URI1: variants seen among roughly 807,000 people sequenced by gnomAD.
The protein encoded by URI1 is unconventional prefoldin RPB5 interactor 1.
Under a neutral mutation model 60.2 loss-of-function variants are expected in URI1, and 39 were observed. The observed-to-expected ratio is 0.65, with a 90% CI of 0.50 to 0.85. The LOEUF (loss-of-function observed/expected upper bound fraction) is 0.85. Ranked by LOEUF, URI1 falls within the 40% of genes least tolerant of loss-of-function variation. URI1 has a pLI of 0.00. For missense variants in URI1, 691 were observed against 665.9 expected (o/e 1.04, Z -0.42); for synonymous variants, 251 against 236.8 (o/e 1.06, Z -0.55).
At chr19:29,974,577 T>C (rs948819010) in intron 2 of URI1, among the ~76,000 whole-genome samples, 4 of 152,202 alleles carry the variant, frequency 2.6e-5, no homozygotes, top group African/African-American at 7.2e-5. Flanking sequence ...CATCTACTCC[T>C]ACCTCCAATT....
intron 1 of URI1, chr19:29,956,983 C>A (rs2055256791): frequency 7.3e-6 from 6 of 825,710 alleles, no homozygotes; most frequent in South Asian, 7.1e-5. Flanking sequence ...TGAGAATGGT[C>A]TTCATTCTCA....
chr19:29,975,893 G>A (rs1000384950), intron 2 of URI1, among the ~76,000 whole-genome samples: 5 of 152,258 alleles, frequency 3.3e-5, no homozygotes, highest in Admixed American at 3.3e-4. Flanking sequence ...AAGTGTTTGT[G>A]TATGTATGTG....
At chr19:29,962,732 A>G (rs1409498949) in intron 1 of URI1, among the ~76,000 whole-genome samples, 4 of 151,814 alleles carry the variant, frequency 2.6e-5, no homozygotes, top group African/African-American at 4.8e-5. Flanking sequence ...ATCTAGTTTA[A>G]TAATTTTTTT....
intron 2 of URI1, among the ~76,000 whole-genome samples, chr19:29,972,335 G>C (rs1282719775): frequency 6.6e-6 from 1 of 152,062 alleles, no homozygotes; most frequent in East Asian, 1.9e-4. Context: ...TTTCCATAAT[G>C]GACCATTCGC....
intron 4 of URI1, among the ~76,000 whole-genome samples, chr19:29,993,648 T>C (rs905503866): frequency 1.3e-4 from 20 of 152,150 alleles, no homozygotes; most frequent in Admixed American, 2.6e-4. Flanking sequence ...CATCAGGTCA[T>C]TCACAAGATG....
intron 1 of URI1, among the ~76,000 whole-genome samples, chr19:29,964,388 T>A (rs961640664): frequency 1.3e-5 from 2 of 152,060 alleles, no homozygotes; most frequent in African/African-American, 2.4e-5. Context: ...CTACTTGCAG[T>A]GATTTAGTGT....
intron 1 of URI1, chr19:29,957,125 A>G (rs1437435514): frequency 7.0e-6 from 3 of 428,962 alleles, no homozygotes; most frequent in Admixed American, 4.0e-5. Context: ...AAGAAATACA[A>G]TTTATGTTTT....
At chr19:29,928,614 G>A (rs2054890519) in intron 1 of URI1, among the ~76,000 whole-genome samples, 1 of 152,170 alleles carries the variant, frequency 6.6e-6, no homozygotes, top group Non-Finnish European at 1.5e-5. Flanking sequence ...TGGATGTGGA[G>A]GGGAAGCGGG....
chr19:29,933,732 G>A (rs570669102), intron 1 of URI1, among the ~76,000 whole-genome samples: 3 of 151,744 alleles, frequency 2.0e-5, no homozygotes, highest in East Asian at 2.0e-4. Context: ...CGAGGCAGGA[G>A]CATTGCTAGA....
At chr19:29,949,716 C>T (rs900640824) in intron 1 of URI1, among the ~76,000 whole-genome samples, 4 of 152,186 alleles carry the variant, frequency 2.6e-5, no homozygotes, top group Non-Finnish European at 5.9e-5. Flanking sequence ...GAGACCAGCC[C>T]GGCCAACACA....
At chr19:29,962,930 T>G (rs759642072) in intron 1 of URI1, among the ~76,000 whole-genome samples, 1 of 152,238 alleles carries the variant, frequency 6.6e-6, no homozygotes, top group African/African-American at 2.4e-5. Flanking sequence ...TACTCTGTTA[T>G]CTTTCACTTT....
chr19:29,971,364 A>T, intron 2 of URI1, 137 bp downstream of exon 2: 1 of 764,876 alleles, frequency 1.3e-6, no homozygotes, highest in Non-Finnish European at 2.2e-6. Flanking sequence ...CTCCATTTTG[A>T]ATGCCTTTAA....
upstream of URI1, among the ~76,000 whole-genome samples, chr19:29,941,629 A>T (rs79206812): frequency 1.9e-3 from 291 of 149,474 alleles, no homozygotes; most frequent in Middle Eastern, 3.5e-3. Flanking sequence ...TCTTAAAAAA[A>T]AAAAAAAAAA....
At chr19:29,943,436 TTC>T (rs1467430068) in intron 1 of URI1, among the ~76,000 whole-genome samples, 2 of 152,218 alleles carry the variant, frequency 1.3e-5, no homozygotes, top group African/African-American at 4.8e-5. Context: ...TTCAGATTGA[TTC>T]TGTCCCCTCA....
At chr19:29,939,063 C>T (rs1485553660), upstream of URI1, among the ~76,000 whole-genome samples, 1 of 149,628 alleles carries the variant, frequency 6.7e-6, no homozygotes, top group Non-Finnish European at 1.5e-5. Context: ...CTGCAACCTC[C>T]ACTTCCAGGG....
At chr19:30,004,045 G>C (rs1390760619) in intron 4 of URI1, among the ~76,000 whole-genome samples, 1 of 151,992 alleles carries the variant, frequency 6.6e-6, no homozygotes, top group East Asian at 1.9e-4. Flanking sequence ...TTATTAGGCT[G>C]TCTGAGTCTG....
rs1006789837 is a variant in URI1 at position 29,979,069 on chromosome 19, A to G, written c.153-6154A>G. Among the ~76,000 whole-genome samples, 4 of 152,190 alleles carry G rather than the reference A, an allele frequency of 2.6e-5. No homozygotes were observed. In the East Asian group the frequency reaches 7.7e-4, roughly 29 times the overall value. On this transcript the variant is annotated intron_variant, in intron 2 of 10. Transcript: ENST00000392271. ...GCTACTGTAATTAAGAAAACCCACAAAATTACTTTTTTCTAAAATATGCTT... is the reference window on the plus strand; with the variant it reads ...GCTACTGTAATTAAGAAAACCCACAGAATTACTTTTTTCTAAAATATGCTT...
intron 4 of URI1, among the ~76,000 whole-genome samples, chr19:30,002,832 T>A (rs914914824): frequency 6.6e-6 from 1 of 152,028 alleles, no homozygotes; most frequent in Admixed American, 6.6e-5. Flanking sequence ...AGATATTGTC[T>A]ATATCACAAA....
At chr19:29,964,870 T>C (rs2055372832) in intron 1 of URI1, among the ~76,000 whole-genome samples, 3 of 151,792 alleles carry the variant, frequency 2.0e-5, no homozygotes, top group African/African-American at 2.4e-5. Context: ...TTTTTTTTTT[T>C]CTTCTACTTG....
Sources: gnomAD v4.1 joint callset for allele counts (sites outside exome capture counted in the v4.1 genomes callset) on GRCh38, gnomAD v4.1.1 for gene constraint, MANE v1.5 for transcripts, NCBI Gene and HGNC (gene_info 2026-07-23, HGNC 2026-07-21) for gene names.